The following STAG1 variants were observed in gnomAD, a reference collection of about 807,000 sequenced individuals.
STAG1 encodes the protein cohesin subunit SA-1.
Under a neutral mutation model 170.9 loss-of-function variants are expected in STAG1, and 26 were observed. The observed-to-expected ratio is 0.15, with a 90% CI of 0.11 to 0.21. The LOEUF is 0.21. STAG1 is among the 10% of genes least tolerant of loss of function. The pLI is 1.00. For missense variants in STAG1, 964 were observed against 1,509.5 expected, an observed-to-expected ratio of 0.64 and a Z score of 5.99; for synonymous variants, 514 against 497.7, an observed-to-expected ratio of 1.03 and a Z score of -0.44.
intron 21 of STAG1, among the ~76,000 whole-genome samples, chr3:136,405,231 C>CTTTTT (rs554475207): frequency 0.014 from 882 of 60,918 alleles, 90 homozygotes; most frequent in Non-Finnish European, 0.023. Context: ...GAAAAAACCT[C>CTTTTT]TTTTTTTTTT....
chr3:136,511,672 G>C (rs1349771999), intron 7 of STAG1, among the ~76,000 whole-genome samples: 1 of 152,178 alleles, frequency 6.6e-6, no homozygotes, highest in Non-Finnish European at 1.5e-5. Flanking sequence ...AGGAGGGAGA[G>C]AGTCAGGAAA....
chr3:136,661,643 A>G (rs1022606783), intron 1 of STAG1, among the ~76,000 whole-genome samples: 1 of 152,208 alleles, frequency 6.6e-6, no homozygotes, highest in Non-Finnish European at 1.5e-5. Flanking sequence ...CCAAAATCCA[A>G]AACACTTCTG....
chr3:136,644,949 C>A (rs139507331), intron 1 of STAG1, among the ~76,000 whole-genome samples: 1 of 151,938 alleles, frequency 6.6e-6, no homozygotes, highest in Non-Finnish European at 1.5e-5. Context: ...AGGCTGGTGT[C>A]GAACTGCTGA....
chr3:136,378,018 T>C (rs1172180446), intron 22 of STAG1, among the ~76,000 whole-genome samples: 1 of 152,220 alleles, frequency 6.6e-6, no homozygotes, highest in Non-Finnish European at 1.5e-5. Context: ...TTTATAAATA[T>C]GGTTTATTTA....
At chr3:136,662,923 C>T (rs947368184) in intron 1 of STAG1, among the ~76,000 whole-genome samples, 3 of 151,964 alleles carry the variant, frequency 2.0e-5, no homozygotes, top group African/African-American at 4.8e-5. Context: ...TGGTGGCAGG[C>T]GCCTGTAATC....
At chr3:136,404,005 A>G (rs901546292) in intron 21 of STAG1, among the ~76,000 whole-genome samples, 4 of 152,208 alleles carry the variant, frequency 2.6e-5, no homozygotes, top group Admixed American at 2.6e-4. Flanking sequence ...ATAGCTTATC[A>G]GACACCATTT....
At chr3:136,729,508 A>G (rs1290477783) in intron 1 of STAG1, among the ~76,000 whole-genome samples, 1 of 151,704 alleles carries the variant, frequency 6.6e-6, no homozygotes, top group South Asian at 2.1e-4. Context: ...TAGTCTAACA[A>G]TTACCCTAAT....
intron 1 of STAG1, among the ~76,000 whole-genome samples, chr3:136,713,114 T>C (rs1291273137): frequency 1.3e-5 from 2 of 151,986 alleles, no homozygotes; most frequent in African/African-American, 2.4e-5. Context: ...ACAAGAGTGT[T>C]CTCAGCAGTA....
chr3:136,391,742 AG>A (rs1234542393), intron 22 of STAG1, among the ~76,000 whole-genome samples: 1 of 152,196 alleles, frequency 6.6e-6, no homozygotes, highest in African/African-American at 2.4e-5. Flanking sequence ...AAGGAGCTGA[AG>A]GAAGAAGGAT....
chr3:136,455,380 C>T (rs1046745987), intron 13 of STAG1, among the ~76,000 whole-genome samples: 3 of 152,166 alleles, frequency 2.0e-5, no homozygotes, highest in African/African-American at 7.2e-5. Context: ...CTGCCCCCTC[C>T]CTACAAGCTG....
At chr3:136,545,200 C>A (rs893194857) in intron 5 of STAG1, among the ~76,000 whole-genome samples, 4 of 152,062 alleles carry the variant, frequency 2.6e-5, no homozygotes, top group Non-Finnish European at 5.9e-5. Flanking sequence ...AGGCACACGT[C>A]ACCACGTGTA....
intron 1 of STAG1, among the ~76,000 whole-genome samples, chr3:136,707,896 C>T (rs190323993): frequency 1.3e-5 from 2 of 152,126 alleles, no homozygotes; most frequent in African/African-American, 2.4e-5. Context: ...CCCAATATCA[C>T]CACACTGGGG....
At chr3:136,627,382 T>G (rs1417633945) in intron 2 of STAG1, among the ~76,000 whole-genome samples, 1 of 152,212 alleles carries the variant, frequency 6.6e-6, no homozygotes, top group Admixed American at 6.5e-5. Flanking sequence ...GCCATAAATA[T>G]TTAGGCTTTT....
intron 4 of STAG1, 73 bp downstream of exon 4, chr3:136,604,236 A>G: frequency 7.2e-7 from 1 of 1,383,724 alleles, no homozygotes; most frequent in Non-Finnish European, 9.8e-7. Context: ...AAGTGCCAAT[A>G]TACACACTAA....
At chr3:136,553,365 T>A (rs1183479185) in intron 5 of STAG1, among the ~76,000 whole-genome samples, 2 of 151,338 alleles carry the variant, frequency 1.3e-5, no homozygotes, top group South Asian at 4.1e-4. Flanking sequence ...TTTAAAGAGA[T>A]AACAATTAAG....
chr3:136,419,254 A>T (rs1576447405), intron 20 of STAG1, among the ~76,000 whole-genome samples: 1 of 152,180 alleles, frequency 6.6e-6, no homozygotes, highest in East Asian at 1.9e-4. Flanking sequence ...TCTAAAAAAA[A>T]TTTACTTGTA....
At chr3:136,617,849 C>G (rs893300670) in intron 3 of STAG1, among the ~76,000 whole-genome samples, 4 of 151,930 alleles carry the variant, frequency 2.6e-5, no homozygotes, top group African/African-American at 9.7e-5. Context: ...GAAAAAAAAA[C>G]TTTGGAATTT....
At chr3:136,467,715 A>G (rs893943432) in intron 12 of STAG1, among the ~76,000 whole-genome samples, 35 of 152,336 alleles carry the variant, frequency 2.3e-4, no homozygotes, top group South Asian at 6.2e-4. Flanking sequence ...CATTCTTCTC[A>G]GCACCACATC....
intron 21 of STAG1, among the ~76,000 whole-genome samples, chr3:136,409,664 C>T (rs569397197): frequency 1.3e-5 from 2 of 152,072 alleles, no homozygotes; most frequent in South Asian, 2.1e-4. Flanking sequence ...AAACTCGCCC[C>T]CTACATTACA....
Sources: allele counts gnomAD v4.1 joint callset (sites outside exome capture counted in the v4.1 genomes callset), GRCh38; gene constraint gnomAD v4.1.1; transcripts MANE v1.5; gene names NCBI Gene and HGNC (gene_info 2026-07-23, HGNC 2026-07-21).